PPP2R5E: variants seen among roughly 807,000 people sequenced by gnomAD.
PPP2R5E encodes the protein serine/threonine-protein phosphatase 2A 56 kDa regulatory subunit epsilon isoform.
In PPP2R5E, 4 loss-of-function variants were observed where a neutral mutation model predicts 65.3. The ratio of observed to expected loss-of-function variants is 0.06; its 90% CI spans 0.03 to 0.14. The LOEUF is 0.14. PPP2R5E is among the 10% of genes least tolerant of loss of function. PPP2R5E has a pLI of 1.00. For missense variants in PPP2R5E, 274 were observed against 556.1 expected (o/e 0.49, Z 5.10); for synonymous variants, 183 against 187.4 (o/e 0.98, Z 0.19).
intron 2 of PPP2R5E, among the ~76,000 whole-genome samples, chr14:63,496,674 C>T (rs1184964047): frequency 6.6e-6 from 1 of 152,040 alleles, no homozygotes; most frequent in Middle Eastern, 3.2e-3. Flanking sequence ...TCATCATATG[C>T]AGTCAAATTT....
At chr14:63,428,584 G>C (rs1463087532) in intron 3 of PPP2R5E, among the ~76,000 whole-genome samples, 1 of 152,104 alleles carries the variant, frequency 6.6e-6, no homozygotes, top group Non-Finnish European at 1.5e-5. Flanking sequence ...TCAGGGCCCG[G>C]CTGCTCTATT....
Position 63,373,153 on chromosome 14 carries a change from G to A in PPP2R5E, c.*2856C>T, listed in dbSNP as rs1328627298. On this transcript the variant is annotated 3_prime_UTR_variant, in exon 14 of 14. Transcript: ENST00000337537. ...GTCATTCTAAACCACAGGGTTGTGTGTATTTTTCTCTTCCAAAGACACTCT... is the reference window on the plus strand; with the variant it reads ...GTCATTCTAAACCACAGGGTTGTGTATATTTTTCTCTTCCAAAGACACTCT... 1 of 152,158 alleles carries A rather than the reference G, an allele frequency of 6.6e-6. No individual in the cohort carries two copies. The highest frequency in any genetic ancestry group is 2.4e-5 in the African/African-American group (1 of 41,432). The allele number at this position is 152,158 out of a possible 1,614,324, so 9.4% of individuals were successfully genotyped here.
At chr14:63,411,417 T>C (rs1886380116) in intron 5 of PPP2R5E, among the ~76,000 whole-genome samples, 1 of 151,906 alleles carries the variant, frequency 6.6e-6, no homozygotes, top group Non-Finnish European at 1.5e-5. Flanking sequence ...TATTTTTATT[T>C]TTATAGTTTT....
At chr14:63,463,483 G>C (rs985316535) in intron 2 of PPP2R5E, among the ~76,000 whole-genome samples, 14 of 151,432 alleles carry the variant, frequency 9.2e-5, no homozygotes, top group African/African-American at 3.4e-4. Flanking sequence ...CAGCTTATCT[G>C]AAAGAACCTA....
At chr14:63,481,475 G>A (rs1289209449) in intron 2 of PPP2R5E, among the ~76,000 whole-genome samples, 7 of 133,914 alleles carry the variant, frequency 5.2e-5, no homozygotes, top group African/African-American at 1.7e-4. Flanking sequence ...CAGCCTGGGC[G>A]ATAGAGCAAG....
intron 2 of PPP2R5E, among the ~76,000 whole-genome samples, chr14:63,481,511 A>C (rs1890701727): frequency 6.6e-6 from 1 of 151,596 alleles, no homozygotes; most frequent in African/African-American, 2.4e-5. Context: ...AAAAAAAAAA[A>C]AAAAAAAATT....
At chr14:63,464,577 G>T (rs934080548) in intron 2 of PPP2R5E, among the ~76,000 whole-genome samples, 1 of 152,174 alleles carries the variant, frequency 6.6e-6, no homozygotes, top group Non-Finnish European at 1.5e-5. Context: ...AGGACAAGTG[G>T]CTGCAGAAGA....
At chr14:63,409,077 C>T (rs1886247411) in intron 5 of PPP2R5E, among the ~76,000 whole-genome samples, 1 of 152,032 alleles carries the variant, frequency 6.6e-6, no homozygotes, top group African/African-American at 2.4e-5. Context: ...ACTAAAAATA[C>T]AAAAAATTAG....
intron 2 of PPP2R5E, among the ~76,000 whole-genome samples, chr14:63,486,685 T>C (rs1891016014): frequency 6.6e-6 from 1 of 152,076 alleles, no homozygotes; most frequent in South Asian, 2.1e-4. Flanking sequence ...CTGCCTCCTT[T>C]TTCCCCACCA....
intron 2 of PPP2R5E, among the ~76,000 whole-genome samples, chr14:63,530,833 T>C (rs1893397765): frequency 6.6e-6 from 1 of 151,770 alleles, no homozygotes; most frequent in Non-Finnish European, 1.5e-5. Flanking sequence ...GCCTGGCTGG[T>C]ATCAAATTCC....
intron 2 of PPP2R5E, among the ~76,000 whole-genome samples, chr14:63,516,052 T>C (rs911097327): frequency 3.3e-5 from 5 of 151,998 alleles, no homozygotes; most frequent in African/African-American, 1.2e-4. Context: ...GCTTTCACCA[T>C]GTTAGCCAGG....
At chr14:63,473,735 G>C (rs747890424) in intron 2 of PPP2R5E, among the ~76,000 whole-genome samples, 4 of 152,198 alleles carry the variant, frequency 2.6e-5, no homozygotes, top group Non-Finnish European at 4.4e-5. Context: ...ACAGGAAAAG[G>C]GGATGACATG....
chr14:63,439,427 T>G (rs1397421351), intron 3 of PPP2R5E, among the ~76,000 whole-genome samples: 1 of 151,712 alleles, frequency 6.6e-6, no homozygotes, highest in Non-Finnish European at 1.5e-5. Context: ...CAGGCTAGAG[T>G]GCAATGGCAC....
Position 63,391,071 on chromosome 14 carries a change from T to C in PPP2R5E, c.954+746A>G, listed in dbSNP as rs1404172931. Among the ~76,000 whole-genome samples the C allele has an allele frequency of 2.6e-5, 4 of 152,164 alleles. 1 individual carries two copies. The South Asian group carries it at 8.3e-4, about 32-fold the overall frequency. On this transcript the variant is annotated intron_variant, in intron 10 of 13. Coordinates refer to ENST00000337537, the MANE Select transcript of PPP2R5E (RefSeq NM_006246.5). Reference sequence around the variant, plus strand: ...CTATACCATGCTTTAAAATGAGTATTTGGGCAGGCTGCTCTAGCGTCTATG... The same window carrying C: ...CTATACCATGCTTTAAAATGAGTATCTGGGCAGGCTGCTCTAGCGTCTATG...
chr14:63,438,254 C>CT (rs1334641614), intron 3 of PPP2R5E, among the ~76,000 whole-genome samples: 1 of 152,206 alleles, frequency 6.6e-6, no homozygotes, highest in Non-Finnish European at 1.5e-5. Flanking sequence ...GTGTAACCAG[C>CT]TTCCTCCAAA....
intron 3 of PPP2R5E, among the ~76,000 whole-genome samples, chr14:63,430,333 G>A (rs1887568753): frequency 6.9e-6 from 1 of 144,038 alleles, no homozygotes; most frequent in Non-Finnish European, 1.5e-5. Context: ...GGCCACAATG[G>A]AGAAAACCCA....
intron 2 of PPP2R5E, among the ~76,000 whole-genome samples, chr14:63,460,309 A>G (rs892366946): frequency 2.6e-5 from 4 of 152,170 alleles, no homozygotes; most frequent in African/African-American, 7.2e-5. Flanking sequence ...AACATGACAC[A>G]CTGGAAGGGC....
intron 2 of PPP2R5E, among the ~76,000 whole-genome samples, chr14:63,496,622 T>C (rs1891584897): frequency 6.6e-6 from 1 of 152,084 alleles, no homozygotes; most frequent in Non-Finnish European, 1.5e-5. Context: ...GTTTACAAAG[T>C]GCTTAATAAA....
chr14:63,450,158 G>C (rs975072462), intron 3 of PPP2R5E, among the ~76,000 whole-genome samples: 4 of 152,184 alleles, frequency 2.6e-5, no homozygotes, highest in Non-Finnish European at 5.9e-5. Context: ...TTACAGGCGT[G>C]AGCCACCGCG....
Sources: allele counts gnomAD v4.1 joint callset (sites outside exome capture counted in the v4.1 genomes callset), GRCh38; gene constraint gnomAD v4.1.1; transcripts MANE v1.5; gene names NCBI Gene and HGNC (gene_info 2026-07-23, HGNC 2026-07-21).